Variants in GNB5 observed in about 807,000 individuals in gnomAD.
GNB5 encodes G protein subunit beta 5, also known as guanine nucleotide-binding protein subunit beta-5.
In GNB5, 37 loss-of-function variants were observed where a neutral mutation model predicts 55.3. That is an observed-to-expected ratio of 0.67 (90% CI 0.51 to 0.88). The LOEUF (loss-of-function observed/expected upper bound fraction) is 0.88. Ranked by LOEUF, GNB5 falls within the 40% of genes least tolerant of loss-of-function variation. The pLI is 0.00. For synonymous variants in GNB5, 219 were observed against 198.5 expected, an observed-to-expected ratio of 1.10 and a Z score of -0.87; for missense variants, 476 against 515.3, an observed-to-expected ratio of 0.92 and a Z score of 0.74.
chr15:52,137,151 G>T, intron 7 of GNB5: 1 of 797,340 alleles, frequency 1.3e-6, no homozygotes, highest in Non-Finnish European at 1.7e-6. Context: ...CTAAGATTCT[G>T]CCAAGTGGAG....
In GNB5 at chr15:52,179,000, G is replaced by A. The variant is rs1332429634; in HGVS notation, c.238+768C>T. Among the ~76,000 whole-genome samples the A allele has an allele frequency of 2.6e-5, 4 of 152,230 alleles. No homozygotes were observed. The East Asian group carries it at 7.7e-4, about 29-fold the overall frequency. On this transcript the variant is annotated intron_variant, in intron 3 of 12. Transcript: ENST00000261837. ...TGCTGAGGAGGAGCCCTCTGACAAA[G>A]TAAAGGAACGCTGTTTTGGCCAAGA...
Position 52,120,646 on chromosome 15 carries a change from G to C in GNB5, c.*2111C>G, listed in dbSNP as rs1425380396. ...GACAAAAAAAAAAATGGCTGTGGGA[G>C]AGAGGGTTGGGGATGCCACCACAAG... On this transcript the variant is annotated 3_prime_UTR_variant, in exon 13 of 13. Coordinates refer to ENST00000261837, the MANE Select transcript of GNB5 (RefSeq NM_016194.4). 21 of 152,120 alleles carry C rather than the reference G, an allele frequency of 1.4e-4. No individual in the cohort carries two copies. Among genetic ancestry groups the C allele is most frequent in the Admixed American group, 1.4e-3 (21 of 15,268 alleles). The allele number at this position is 152,120 out of a possible 1,614,324, so 9.4% of individuals were successfully genotyped here.
At chr15:52,190,858 TGAAA>T (rs2034916550) in intron 1 of GNB5, among the ~76,000 whole-genome samples, 1 of 145,730 alleles carries the variant, frequency 6.9e-6, no homozygotes, top group African/African-American at 2.6e-5. Flanking sequence ...GGCCTAAACT[TGAAA>T]GACCCAAATG....
At chr15:52,182,778 A>G (rs914185872) in intron 2 of GNB5, among the ~76,000 whole-genome samples, 1 of 152,194 alleles carries the variant, frequency 6.6e-6, no homozygotes, top group African/African-American at 2.4e-5. Context: ...CCAAGTAGAG[A>G]GTAGAGATTG....
chr15:52,127,413 G>A (rs1254649732), intron 10 of GNB5, among the ~76,000 whole-genome samples: 4 of 151,948 alleles, frequency 2.6e-5, no homozygotes, highest in South Asian at 2.1e-4. Flanking sequence ...AACTCCATTC[G>A]TATCTACAGG....
chr15:52,136,671 C>T (rs771111503), intron 7 of GNB5, among the ~76,000 whole-genome samples: 6 of 152,190 alleles, frequency 3.9e-5, no homozygotes, highest in Non-Finnish European at 7.3e-5. Flanking sequence ...AGGATATTCA[C>T]GCATACACAG....
intron 10 of GNB5, 59 bp downstream of exon 10, chr15:52,128,137 A>C (rs761740100): frequency 8.3e-6 from 9 of 1,081,790 alleles, no homozygotes; most frequent in Non-Finnish European, 1.1e-5. Flanking sequence ...ATTTTCTTAA[A>C]ATAAGTTAGC....
intron 9 of GNB5, chr15:52,128,522 C>T: frequency 1.6e-6 from 1 of 610,644 alleles, no homozygotes; most frequent in Non-Finnish European, 3.0e-6. Flanking sequence ...TAGTTTCCCT[C>T]AATCACATAT....
chr15:52,141,384 T>C (rs2033850567), intron 6 of GNB5, 112 bp from the exon 7 acceptor site: 8 of 807,118 alleles, frequency 9.9e-6, no homozygotes, highest in Non-Finnish European at 1.6e-5. Flanking sequence ...TATCATATAT[T>C]GTACCCTTTC....
chr15:52,137,894 C>T (rs576817400), intron 7 of GNB5: 1 of 1,287,052 alleles, frequency 7.8e-7, no homozygotes. Flanking sequence ...GGAAGTGGCT[C>T]TTGCAGCATA....
At chr15:52,185,207 CCCTGCCTG>C (rs1313872966) in intron 1 of GNB5, among the ~76,000 whole-genome samples, 1 of 152,238 alleles carries the variant, frequency 6.6e-6, no homozygotes, top group East Asian at 1.9e-4. Flanking sequence ...GACCCAGGGT[CCCTGCCTG>C]TTCACAAGGA....
In GNB5 at chr15:52,128,207, C is replaced by G. The variant is rs1258472575; in HGVS notation, c.901G>C (p.Asp301His). ...ACTTAGAAACATACCGTAGCGTCAT[C>G]TGACCCTGAAGCAAAGGCATCTCCA... Reference protein sequence around the residue: ...PSGDAFASGSDDATCRLYDLR... With the variant: ...PSGDAFASGSHDATCRLYDLR... The change falls in exon 10 of 13, where the codon GAT (aspartate) becomes CAT (histidine). Residue 301 changes from aspartate (D) to histidine (H), a missense_variant. Physicochemically the swap from Asp to His is moderately conservative, Grantham distance 81 (BLOSUM62 -1). Coordinates refer to ENST00000261837, the MANE Select transcript of GNB5 (RefSeq NM_016194.4). 6.2e-7 allele frequency: 1 copy of G among 1,610,010 alleles called. No homozygotes were observed. Among genetic ancestry groups the G allele is most frequent in the Admixed American group, 1.7e-5 (1 of 60,026 alleles).
intron 3 of GNB5, among the ~76,000 whole-genome samples, chr15:52,156,502 T>C (rs2034210007): frequency 1.3e-5 from 2 of 152,148 alleles, no homozygotes; most frequent in African/African-American, 4.8e-5. Flanking sequence ...GAGGCCAAGG[T>C]AGGTGGACTG....
At chr15:52,161,885 C>G (rs2034342522) in intron 3 of GNB5, among the ~76,000 whole-genome samples, 1 of 152,222 alleles carries the variant, frequency 6.6e-6, no homozygotes, top group Admixed American at 6.5e-5. Context: ...CCCATTTTAC[C>G]TGTAGAAGTC....
In GNB5 at chr15:52,179,783, G is replaced by A. The variant is rs765975810; in HGVS notation, c.223C>T (p.Leu75=). Residue 75 remains leucine, a synonymous_variant, in exon 3 of 13, where the codon CTG becomes TTG. Coordinates refer to ENST00000261837, the MANE Select transcript of GNB5 (RefSeq NM_016194.4). ...KGKLEEERAK[L]HDVELHQVAE... ...CCGCACTCACGCTCCACATCGTGCA[G>A]CTTGGCTCGCTCCTCCTCCAGCTTG... is the stretch of plus-strand genomic sequence containing the variant. The A allele has an allele frequency of 1.3e-6, 2 of 1,529,558 alleles. No individual in the cohort carries two copies. The highest frequency in any genetic ancestry group is 2.8e-5 in the East Asian group (1 of 36,296). 94.7% of individuals were successfully genotyped at this position (1,529,558 alleles called of 1,614,324 possible).
At chr15:52,168,205 A>C (rs2034487529) in intron 3 of GNB5, among the ~76,000 whole-genome samples, 2 of 152,226 alleles carry the variant, frequency 1.3e-5, no homozygotes, top group African/African-American at 4.8e-5. Flanking sequence ...GAGAGAAGTC[A>C]AATTATCTTT....
chr15:52,159,731 G>C (rs1282171955), intron 3 of GNB5, among the ~76,000 whole-genome samples: 1 of 152,166 alleles, frequency 6.6e-6, no homozygotes, highest in Non-Finnish European at 1.5e-5. Flanking sequence ...TGCTCTTACT[G>C]AGCTCACAGT....
chr15:52,190,967 C>T (rs2034918846), intron 1 of GNB5, among the ~76,000 whole-genome samples: 1 of 152,070 alleles, frequency 6.6e-6, no homozygotes, highest in Non-Finnish European at 1.5e-5. Flanking sequence ...AACTAAAAAC[C>T]TCTTTCTAAC....
Position 52,179,885 on chromosome 15 carries a change from CGCGGGGACGCA to C in GNB5, c.127-17_127-7del. On this transcript the variant is annotated splice_polypyrimidine_tract_variant and splice_region_variant and intron_variant, in intron 2 of 12. Coordinates refer to ENST00000261837, the MANE Select transcript of GNB5 (RefSeq NM_016194.4). The stretch of plus-strand genomic sequence containing the variant: ...TGCAGCCCCTCGGTTGCCATCTTCG[CGCGGGGACGCA>C]GCGGAGAGGGAAGCGGAGAGCGGGA... 6.5e-7 allele frequency: 1 copy of C among 1,528,336 alleles called. No individual in the cohort carries two copies. The highest frequency in any genetic ancestry group is 8.8e-7 in the Non-Finnish European group (1 of 1,137,980). The allele number at this position is 1,528,336 out of a possible 1,614,324, so 94.7% of individuals were successfully genotyped here.
Sources: gnomAD v4.1 joint callset for allele counts (sites outside exome capture counted in the v4.1 genomes callset) on GRCh38, gnomAD v4.1.1 for gene constraint, MANE v1.5 for transcripts, NCBI Gene and HGNC (gene_info 2026-07-23, HGNC 2026-07-21) for gene names.